Variants in FUT9 observed in about 807,000 individuals in gnomAD.
FUT9 encodes fucosyltransferase 9, also known as 4-galactosyl-N-acetylglucosaminide 3-alpha-L-fucosyltransferase 9.
Under a neutral mutation model 29.7 loss-of-function variants are expected in FUT9, and 15 were observed. The ratio of observed to expected loss-of-function variants is 0.51; its 90% confidence interval spans 0.34 to 0.78. FUT9 has a LOEUF of 0.78. Among genes scored for constraint, FUT9 ranks in the 30% least tolerant of loss-of-function variants. FUT9 has a pLI of 0.01. For synonymous variants in FUT9, 169 were observed against 153.7 expected, an observed-to-expected ratio of 1.10 and a Z score of -0.74; for missense variants, 319 against 425.4, an observed-to-expected ratio of 0.75 and a Z score of 2.20.
At chr6:96,153,263 C>G (rs577300364) in intron 2 of FUT9, among the ~76,000 whole-genome samples, 1 of 152,168 alleles carries the variant, frequency 6.6e-6, no homozygotes, top group Non-Finnish European at 1.5e-5. Context: ...ATCAGACCAT[C>G]TGGGACTGTA....
In FUT9 at chr6:96,141,621, C is replaced by T. The variant is rs6920473; in HGVS notation, c.-9+27494C>T. Among the ~76,000 whole-genome samples the T allele has an allele frequency of 2.6e-3, 391 of 152,164 alleles. 1 individual carries two copies. The highest frequency in any genetic ancestry group is 9.0e-3 in the African/African-American group (372 of 41,536). On this transcript the variant is annotated intron_variant, in intron 2 of 2. Coordinates refer to ENST00000302103, the MANE Select transcript of FUT9 (RefSeq NM_006581.4). ...AAAGGAGAAGGCAGATATTCACAGACGCTTGCACTTTGTGTAATGAGCTAG... is the reference window on the plus strand; with the variant it reads ...AAAGGAGAAGGCAGATATTCACAGATGCTTGCACTTTGTGTAATGAGCTAG...
At chr6:96,101,163 A>G (rs1312179569) in intron 1 of FUT9, among the ~76,000 whole-genome samples, 1 of 152,204 alleles carries the variant, frequency 6.6e-6, no homozygotes, top group African/African-American at 2.4e-5. Context: ...ATGCAAATAT[A>G]TATGTGTGGG....
At chr6:96,177,154 T>A (rs1450849379) in intron 2 of FUT9, among the ~76,000 whole-genome samples, 1 of 152,138 alleles carries the variant, frequency 6.6e-6, no homozygotes, top group East Asian at 1.9e-4. Context: ...CAATCCTAAA[T>A]CTTGATATGT....
intron 2 of FUT9, among the ~76,000 whole-genome samples, chr6:96,139,172 C>CA (rs1391743418): frequency 6.6e-6 from 1 of 152,020 alleles, no homozygotes; most frequent in Non-Finnish European, 1.5e-5. Context: ...ATACCTGTTC[C>CA]AAGTGGGAGA....
At chr6:96,151,289 A>G (rs1001901404) in intron 2 of FUT9, among the ~76,000 whole-genome samples, 2 of 152,196 alleles carry the variant, frequency 1.3e-5, no homozygotes, top group Non-Finnish European at 2.9e-5. Flanking sequence ...GGGCCAGGCC[A>G]TTATAATTAT....
chr6:96,087,263 G>A (rs1771331376), intron 1 of FUT9, among the ~76,000 whole-genome samples: 1 of 151,780 alleles, frequency 6.6e-6, no homozygotes, highest in Non-Finnish European at 1.5e-5. Flanking sequence ...CAGATTTGTG[G>A]TGTATATTTT....
intron 1 of FUT9, among the ~76,000 whole-genome samples, chr6:96,106,244 T>TTCCTTCCTTCCTTCCTTCCTTCCTTCCA (rs1771683557): frequency 6.6e-6 from 1 of 151,920 alleles, no homozygotes. Context: ...CCTTCCTTCC[T>TTCCTTCCTTCCTTCCTTCCTTCCTTCCA]TCATCTTCTT....
At chr6:96,079,213 T>C (rs1246134505) in intron 1 of FUT9, among the ~76,000 whole-genome samples, 4 of 152,178 alleles carry the variant, frequency 2.6e-5, no homozygotes, top group South Asian at 2.1e-4. Context: ...TTTATATGCA[T>C]TCCTTCGACC....
At chr6:96,144,609 C>T (rs77331583) in intron 2 of FUT9, among the ~76,000 whole-genome samples, 1 of 152,122 alleles carries the variant, frequency 6.6e-6, no homozygotes, top group Non-Finnish European at 1.5e-5. Flanking sequence ...CATGGATCTC[C>T]GTGATTTCAG....
At chr6:96,126,065 C>A (rs909453377) in intron 2 of FUT9, among the ~76,000 whole-genome samples, 2 of 152,152 alleles carry the variant, frequency 1.3e-5, no homozygotes, top group Non-Finnish European at 2.9e-5. Flanking sequence ...TCTTCTACCC[C>A]CAATAGTGCT....
chr6:96,120,751 G>T (rs188616432), intron 2 of FUT9, among the ~76,000 whole-genome samples: 1 of 150,562 alleles, frequency 6.6e-6, no homozygotes, highest in South Asian at 2.1e-4. Context: ...AATTGGGGTA[G>T]CCTGGAAGAA....
rs202134018 is a variant in FUT9, at chr6:96,052,835, TC to T, written c.-98+36624del. Among the ~76,000 whole-genome samples, 1,288 of 152,310 alleles carry T rather than the reference TC, an allele frequency of 8.5e-3. 30 individuals are homozygous for T. Among genetic ancestry groups the T allele is most frequent in the African/African-American group, 0.03 (1,230 of 41,570 alleles). On this transcript the variant is annotated intron_variant, in intron 1 of 2. Transcript: ENST00000302103. ...GAAAAAAAAATTTGTCAACTTTTCT[TC>T]ATGAAGGTGGTGTGGAGAGAAGAAT...
chr6:96,066,109 C>T (rs113003597), intron 1 of FUT9, among the ~76,000 whole-genome samples: 5 of 152,214 alleles, frequency 3.3e-5, no homozygotes, highest in Non-Finnish European at 7.4e-5. Context: ...TAGAGTTACA[C>T]AACCCTGATT....
At chr6:96,094,297 G>T (rs886741420) in intron 1 of FUT9, among the ~76,000 whole-genome samples, 2 of 152,066 alleles carry the variant, frequency 1.3e-5, no homozygotes, top group South Asian at 4.1e-4. Context: ...TAGCTAGCTG[G>T]CTTGGTTATC....
At chr6:96,050,864 C>A (rs1770654075) in intron 1 of FUT9, among the ~76,000 whole-genome samples, 1 of 152,014 alleles carries the variant, frequency 6.6e-6, no homozygotes, top group Non-Finnish European at 1.5e-5. Context: ...TTTATTTTGA[C>A]AACTACTTCT....
intron 2 of FUT9, among the ~76,000 whole-genome samples, chr6:96,129,307 T>G (rs1189291934): frequency 2.1e-5 from 3 of 140,674 alleles, no homozygotes; most frequent in Non-Finnish European, 3.0e-5. Flanking sequence ...CAACCAGCCA[T>G]GGTGGCATGT....
At chr6:96,075,231 T>G (rs1237192225) in intron 1 of FUT9, among the ~76,000 whole-genome samples, 1 of 152,168 alleles carries the variant, frequency 6.6e-6, no homozygotes, top group Non-Finnish European at 1.5e-5. Flanking sequence ...AAAAGTTTGT[T>G]GTGTTAGGAG....
chr6:96,157,062 G>T (rs1377893406), intron 2 of FUT9, among the ~76,000 whole-genome samples: 1 of 152,184 alleles, frequency 6.6e-6, no homozygotes, highest in Non-Finnish European at 1.5e-5. Flanking sequence ...TTGCCTAAAA[G>T]CCTATCCCCA....
chr6:96,017,979 A>G (rs1307104826), intron 1 of FUT9, among the ~76,000 whole-genome samples: 1 of 152,138 alleles, frequency 6.6e-6, no homozygotes, highest in East Asian at 1.9e-4. Context: ...TTCAAACTGT[A>G]TCTGAGATTT....
Sources: gnomAD v4.1 joint callset for allele counts (sites outside exome capture counted in the v4.1 genomes callset) on GRCh38, gnomAD v4.1.1 for gene constraint, MANE v1.5 for transcripts, NCBI Gene and HGNC (gene_info 2026-07-23, HGNC 2026-07-21) for gene names.